FAT3: variants seen among roughly 807,000 people sequenced by gnomAD.
The protein encoded by FAT3 is protocadherin Fat 3.
In FAT3, 95 loss-of-function variants were observed where a neutral mutation model predicts 310.2. That is an observed-to-expected ratio of 0.31 (90% CI 0.26 to 0.36). The LOEUF (loss-of-function observed/expected upper bound fraction) is 0.36. FAT3 is among the 10% of genes least tolerant of loss of function. FAT3 has a pLI of 1.00. For synonymous variants in FAT3, 2,314 were observed against 2,192.9 expected (o/e 1.06, Z -1.54); for missense variants, 5,408 against 5,715.6 (o/e 0.95, Z 1.74).
In FAT3 at chr11:92,879,202, G is replaced by A. The variant is rs114155508; in HGVS notation, c.12128-1529G>A. On this transcript the variant is annotated intron_variant, in intron 22 of 27. Coordinates refer to ENST00000525166, the MANE Select transcript of FAT3 (RefSeq NM_001367949.2). ...GTAAAGACATGTTCAGCTATGCAAA[G>A]TCTCACAAGATTTCCTTCCTATAAA... 6.3e-3 allele frequency among the ~76,000 whole-genome samples: 963 copies of A among 152,324 alleles called. 8 individuals are homozygous for A. The highest frequency in any genetic ancestry group is 0.022 in the African/African-American group (921 of 41,578).
At chr11:92,267,484 T>C (rs1221146268) in intron 1 of FAT3, among the ~76,000 whole-genome samples, 1 of 151,916 alleles carries the variant, frequency 6.6e-6, no homozygotes, top group African/African-American at 2.4e-5. Flanking sequence ...AGCACAGAGT[T>C]TGGCGGAGGG....
Position 92,291,212 on chromosome 11 carries a change from G to A in FAT3, c.-17-60884G>A, listed in dbSNP as rs189194281. Among the ~76,000 whole-genome samples the A allele has an allele frequency of 3.1e-4, 47 of 152,156 alleles. No homozygotes were observed. The East Asian group carries it at 5.3e-3, about 17-fold the overall frequency. On this transcript the variant is annotated intron_variant, in intron 1 of 27. Coordinates refer to ENST00000525166, the MANE Select transcript of FAT3 (RefSeq NM_001367949.2). ...TATGTAACTTGTCCAGTACAAAGAT[G>A]TGTAGGCGGCAGAGTCAAGGTGCTG... is the stretch of plus-strand genomic sequence containing the variant.
chr11:92,310,570 T>C (rs1049210839), intron 1 of FAT3, among the ~76,000 whole-genome samples: 8 of 152,262 alleles, frequency 5.3e-5, no homozygotes, highest in African/African-American at 1.9e-4. Context: ...TGTAGTTTTG[T>C]TACATGGATA....
chr11:92,887,866 C>G (rs1219764958), intron 25 of FAT3, among the ~76,000 whole-genome samples: 3 of 152,132 alleles, frequency 2.0e-5, no homozygotes, highest in Non-Finnish European at 4.4e-5. Context: ...TTTCAACGTG[C>G]TGGGTAAACT....
rs746273093 is a variant in FAT3, at chr11:92,844,352, T to C, written c.10985T>C (p.Val3662Ala). ...GAAAATGTGTCCCCTGAGGACTTCG[T>C]GGGGCTGCACATGCATGGGTTCCGG... ...RFENVSPEDF[V>A]GLHMHGFRRT... The change falls in exon 19 of 28, where the codon GTG becomes GCG. Residue 3662 changes from valine (V) to alanine (A), a missense_variant. Around this residue, in one of 5 missense-constraint regions of FAT3, gnomAD observed 4,588 missense variants for 4,809.8 expected, o/e 0.95. Coordinates refer to ENST00000525166, the MANE Select transcript of FAT3 (RefSeq NM_001367949.2). The C allele has an allele frequency of 1.1e-5, 18 of 1,613,934 alleles. No individual in the cohort carries two copies. The highest frequency in any genetic ancestry group is 1.5e-5 in the Non-Finnish European group (18 of 1,179,888).
intron 2 of FAT3, among the ~76,000 whole-genome samples, chr11:92,433,033 G>T (rs553742811): frequency 1.0e-3 from 159 of 152,252 alleles, no homozygotes; most frequent in African/African-American, 3.8e-3. Flanking sequence ...TATTTACACC[G>T]TGAAGGGAAA....
intron 6 of FAT3, among the ~76,000 whole-genome samples, chr11:92,766,285 C>A (rs1946307395): frequency 6.6e-6 from 1 of 152,068 alleles, no homozygotes; most frequent in Admixed American, 6.5e-5. Context: ...GTGTGTCGCC[C>A]AATCCGACAC....
rs181312701 is a variant in FAT3, at chr11:92,544,330, T to G, written c.3607+19382T>G. 4.6e-5 allele frequency among the ~76,000 whole-genome samples: 7 copies of G among 152,246 alleles called. No individual in the cohort carries two copies. In the East Asian group the frequency reaches 1.2e-3, roughly 25 times the overall value. ...GTAGGGTAACTATAGTTAACAGTAATCAATTGTACATTTCAAAATAGCTAG... is the reference window on the plus strand; with the variant it reads ...GTAGGGTAACTATAGTTAACAGTAAGCAATTGTACATTTCAAAATAGCTAG... On this transcript the variant is annotated intron_variant, in intron 3 of 27. Transcript: ENST00000525166.
At chr11:92,298,048 G>A (rs1286196569) in intron 1 of FAT3, among the ~76,000 whole-genome samples, 1 of 152,096 alleles carries the variant, frequency 6.6e-6, no homozygotes, top group African/African-American at 2.4e-5. Context: ...TGCGGGTGGT[G>A]AGGACATCCA....
chr11:92,572,116 A>C (rs1208608553), intron 3 of FAT3, among the ~76,000 whole-genome samples: 4 of 152,182 alleles, frequency 2.6e-5, no homozygotes, highest in African/African-American at 4.8e-5. Flanking sequence ...AGTGTGAAAA[A>C]GACATGGCCC....
intron 4 of FAT3, among the ~76,000 whole-genome samples, chr11:92,709,651 C>T (rs1944460713): frequency 6.6e-6 from 1 of 152,180 alleles, no homozygotes; most frequent in South Asian, 2.1e-4. Context: ...ATCCACAACC[C>T]AGGTAATCCA....
intron 4 of FAT3, among the ~76,000 whole-genome samples, chr11:92,756,733 C>T (rs1946001088): frequency 6.6e-6 from 1 of 151,978 alleles, no homozygotes; most frequent in South Asian, 2.1e-4. Flanking sequence ...GAAGTGTGCC[C>T]TCCCACCAGC....
chr11:92,428,051 A>C (rs1422263634), intron 2 of FAT3, among the ~76,000 whole-genome samples: 2 of 151,430 alleles, frequency 1.3e-5, no homozygotes, highest in African/African-American at 4.9e-5. Flanking sequence ...TCAATTTCAG[A>C]ACTTGTTATT....
rs140128932 is a variant in FAT3, at chr11:92,865,444, CTT to C, written c.11659-1294_11659-1293del. On this transcript the variant is annotated intron_variant, in intron 21 of 27. Coordinates refer to ENST00000525166, the MANE Select transcript of FAT3 (RefSeq NM_001367949.2). ...TGTCATTTCCTTTCCTTTTCTTTTT[CTT>C]TTCTTTCCTGACAAGTATCTGTTCT... Among the ~76,000 whole-genome samples, 603 of 152,188 alleles carry C rather than the reference CTT, an allele frequency of 4.0e-3. 2 individuals are homozygous for C. The highest frequency in any genetic ancestry group is 0.014 in the African/African-American group (570 of 41,526).
chr11:92,561,711 C>T (rs1452443722), intron 3 of FAT3, among the ~76,000 whole-genome samples: 2 of 152,082 alleles, frequency 1.3e-5, no homozygotes, highest in African/African-American at 4.8e-5. Context: ...CTGCAGCCTC[C>T]ACCTCCAGGG....
chr11:92,531,412 G>T (rs1032954615), intron 3 of FAT3, among the ~76,000 whole-genome samples: 6 of 152,124 alleles, frequency 3.9e-5, no homozygotes, highest in Admixed American at 2.6e-4. Context: ...GAGGGTGGGG[G>T]TCATGGGGTT....
At chr11:92,529,985 G>A (rs1954013477) in intron 3 of FAT3, among the ~76,000 whole-genome samples, 1 of 152,202 alleles carries the variant, frequency 6.6e-6, no homozygotes, top group Non-Finnish European at 1.5e-5. Flanking sequence ...CTTCAAAAGT[G>A]TGTGTGCTGT....
At chr11:92,500,407 G>A (rs927989803) in intron 2 of FAT3, among the ~76,000 whole-genome samples, 1 of 151,900 alleles carries the variant, frequency 6.6e-6, no homozygotes, top group Non-Finnish European at 1.5e-5. Context: ...GTATTTATCA[G>A]GACAAGATTG....
At chr11:92,652,221 A>AC (rs11428996) in intron 3 of FAT3, among the ~76,000 whole-genome samples, 109,764 of 152,028 alleles carry the variant, frequency 0.72, 40,790 homozygotes, top group African/African-American at 0.91. Flanking sequence ...GGCAGCCAAC[A>AC]CCCCACTTTT....
Sources: allele counts gnomAD v4.1 joint callset (sites outside exome capture counted in the v4.1 genomes callset), GRCh38; gene constraint gnomAD v4.1.1; regional missense constraint gnomAD v4.1.1; transcripts MANE v1.5; gene names NCBI Gene and HGNC (gene_info 2026-07-23, HGNC 2026-07-21).